LAMA2: variants seen among roughly 807,000 people sequenced by gnomAD.
The protein encoded by LAMA2 is laminin subunit alpha-2.
Under a neutral mutation model 364.8 loss-of-function variants are expected in LAMA2, and 269 were observed. That is an observed-to-expected ratio of 0.74 (90% CI 0.67 to 0.82). The LOEUF (loss-of-function observed/expected upper bound fraction) is 0.82. Ranked by LOEUF, LAMA2 falls within the 40% of genes least tolerant of loss-of-function variation. The pLI is 0.00. For synonymous variants in LAMA2, 1,379 were observed against 1,370.6 expected (o/e 1.01, Z -0.14); for missense variants, 3,807 against 3,873.2 (o/e 0.98, Z 0.45).
intron 33 of LAMA2, among the ~76,000 whole-genome samples, chr6:129,368,345 GAT>G (rs1777889690): frequency 6.6e-6 from 1 of 152,220 alleles, no homozygotes; most frequent in Non-Finnish European, 1.5e-5. Context: ...CTGTCTGGCA[GAT>G]ATTAAAAGTC....
At chr6:128,981,842 AC>A (rs1304210226) in intron 1 of LAMA2, among the ~76,000 whole-genome samples, 1 of 152,190 alleles carries the variant, frequency 6.6e-6, no homozygotes, top group Non-Finnish European at 1.5e-5. Context: ...CTTTCAGCAG[AC>A]ATTCAACCCA....
intron 55 of LAMA2, among the ~76,000 whole-genome samples, chr6:129,485,363 A>G (rs1223839584): frequency 6.6e-6 from 1 of 152,240 alleles, no homozygotes; most frequent in Non-Finnish European, 1.5e-5. Context: ...AGTATAGTAT[A>G]AAGTAAGTTA....
chr6:129,248,983 T>C (rs1011461336), intron 12 of LAMA2, among the ~76,000 whole-genome samples: 30 of 152,340 alleles, frequency 2.0e-4, no homozygotes, highest in Middle Eastern at 3.4e-3. Flanking sequence ...TTTCTGAATT[T>C]AAGTTCCTTA....
intron 32 of LAMA2, among the ~76,000 whole-genome samples, chr6:129,362,990 T>C (rs909995470): frequency 6.6e-5 from 10 of 152,156 alleles, no homozygotes; most frequent in African/African-American, 2.4e-4. Flanking sequence ...AGTGGTTTTA[T>C]CCTTTGGCTA....
At chr6:129,245,285 C>T (rs192209241) in intron 12 of LAMA2, among the ~76,000 whole-genome samples, 10 of 152,130 alleles carry the variant, frequency 6.6e-5, no homozygotes, top group Admixed American at 6.6e-4. Flanking sequence ...CGAATCCATC[C>T]AGTAATATAA....
chr6:129,035,753 C>T (rs116090689), intron 1 of LAMA2, among the ~76,000 whole-genome samples: 4,857 of 151,970 alleles, frequency 0.032, 240 homozygotes, highest in African/African-American at 0.1. Context: ...TTCCCCATTG[C>T]TTATTTTTAT....
chr6:129,307,581 T>C (rs112021221), intron 22 of LAMA2, among the ~76,000 whole-genome samples: 1 of 152,190 alleles, frequency 6.6e-6, no homozygotes, highest in Non-Finnish European at 1.5e-5. Flanking sequence ...CTGCTTCATG[T>C]TTTTTTCCTT....
At chr6:128,935,694 A>G (rs866239945) in intron 1 of LAMA2, among the ~76,000 whole-genome samples, 9 of 152,186 alleles carry the variant, frequency 5.9e-5, no homozygotes, top group Non-Finnish European at 1.2e-4. Context: ...CTTTAGATGG[A>G]GTTTAGGGTT....
chr6:129,373,709 A>G (rs6569593), intron 34 of LAMA2, among the ~76,000 whole-genome samples: 127,589 of 152,078 alleles, frequency 0.84, 53,536 homozygotes, highest in Admixed American at 0.88. Flanking sequence ...GGACAGGTTC[A>G]TGTGTTTGGT....
chr6:129,097,213 A>G (rs1775239465), intron 3 of LAMA2, among the ~76,000 whole-genome samples: 1 of 152,240 alleles, frequency 6.6e-6, no homozygotes, highest in Admixed American at 6.5e-5. Context: ...TCTCATTATT[A>G]CAATATATTA....
At chr6:129,361,777 A>G (rs1583575042) in intron 32 of LAMA2, among the ~76,000 whole-genome samples, 1 of 141,802 alleles carries the variant, frequency 7.1e-6, no homozygotes, top group Admixed American at 7.7e-5. Flanking sequence ...AAGTATTAAC[A>G]GTAACCTTTT....
chr6:129,401,850 T>C (rs1779993818), intron 38 of LAMA2, among the ~76,000 whole-genome samples: 1 of 148,348 alleles, frequency 6.7e-6, no homozygotes, highest in Non-Finnish European at 1.5e-5. Context: ...TCTATTCCAT[T>C]AAATAATGAC....
intron 32 of LAMA2, among the ~76,000 whole-genome samples, chr6:129,359,660 A>T (rs2114606852): frequency 7.7e-6 from 1 of 129,760 alleles, no homozygotes; most frequent in East Asian, 2.1e-4. Flanking sequence ...ACATAATTTT[A>T]TCTTTTGTTA....
In LAMA2 at chr6:129,248,622, A is replaced by G. The variant is rs113340462; in HGVS notation, c.1783-1490A>G. On this transcript the variant is annotated intron_variant, in intron 12 of 64. Coordinates refer to ENST00000421865, the MANE Select transcript of LAMA2 (RefSeq NM_000426.4). ...ATTTGAAAGCTCAAAATTTTGGAAC[A>G]TTATAGGCCTATGTCCCAATATTCT... is the stretch of plus-strand genomic sequence containing the variant. 4.0e-3 allele frequency among the ~76,000 whole-genome samples: 603 copies of G among 152,344 alleles called. 3 individuals are homozygous for G. Among genetic ancestry groups the G allele is most frequent in the African/African-American group, 0.014 (571 of 41,574 alleles).
chr6:129,239,389 G>A (rs189374390), intron 12 of LAMA2, among the ~76,000 whole-genome samples: 103 of 152,246 alleles, frequency 6.8e-4, no homozygotes, highest in African/African-American at 2.5e-3. Flanking sequence ...CCCTATATAA[G>A]CTTTAGCTCT....
At chr6:129,295,040 G>C (rs1296766730) in intron 20 of LAMA2, among the ~76,000 whole-genome samples, 2 of 152,160 alleles carry the variant, frequency 1.3e-5, no homozygotes, top group Non-Finnish European at 2.9e-5. Context: ...TTTGTCCCGA[G>C]ACTATTTTTT....
At chr6:129,335,545 A>T (rs1357702463) in intron 29 of LAMA2, among the ~76,000 whole-genome samples, 1 of 152,018 alleles carries the variant, frequency 6.6e-6, no homozygotes. Context: ...TATTATTTTC[A>T]CTCTATCATA....
At chr6:129,109,586 A>G (rs1438028740) in intron 4 of LAMA2, among the ~76,000 whole-genome samples, 1 of 133,006 alleles carries the variant, frequency 7.5e-6, no homozygotes, top group East Asian at 2.3e-4. Context: ...CTTTGTGCAC[A>G]TAAGTGAGGC....
chr6:129,223,813 C>T (rs944638781), intron 12 of LAMA2, among the ~76,000 whole-genome samples: 2 of 152,086 alleles, frequency 1.3e-5, no homozygotes, highest in Admixed American at 6.6e-5. Context: ...TTAGGATTGA[C>T]TTGGGAATGT....
Sources: gnomAD v4.1 joint callset for allele counts (sites outside exome capture counted in the v4.1 genomes callset) on GRCh38, gnomAD v4.1.1 for gene constraint, MANE v1.5 for transcripts, NCBI Gene and HGNC (gene_info 2026-07-23, HGNC 2026-07-21) for gene names.